The following XIRP2 variants were observed in gnomAD, a reference collection of about 807,000 sequenced individuals.
XIRP2 encodes the protein xin actin-binding repeat-containing protein 2.
Under a neutral mutation model 277.0 loss-of-function variants are expected in XIRP2, and 236 were observed. The observed-to-expected ratio is 0.85, with a 90% CI of 0.77 to 0.95. XIRP2 has a LOEUF of 0.95. Among genes scored for constraint, XIRP2 ranks in the 40% least tolerant of loss-of-function variants. The pLI is 0.00. For missense variants in XIRP2, 4,640 were observed against 4,157.5 expected (o/e 1.12, Z -3.19); for synonymous variants, 1,490 against 1,416.5 (o/e 1.05, Z -1.17).
chr2:167,218,479 T>G (rs1483707684), intron 5 of XIRP2, among the ~76,000 whole-genome samples, 179 bp downstream of exon 5: 1 of 152,250 alleles, frequency 6.6e-6, no homozygotes, highest in Non-Finnish European at 1.5e-5. Flanking sequence ...ATTTATTTAC[T>G]TACTTGAAGC....
At chr2:166,934,055 C>T (rs1004976385) in intron 2 of XIRP2, among the ~76,000 whole-genome samples, 1 of 151,910 alleles carries the variant, frequency 6.6e-6, no homozygotes, top group South Asian at 2.1e-4. Context: ...TCCAATATTT[C>T]CTACCTTCTA....
intron 2 of XIRP2, among the ~76,000 whole-genome samples, chr2:167,043,267 A>G (rs1688708280): frequency 6.6e-6 from 1 of 152,168 alleles, no homozygotes; most frequent in South Asian, 2.1e-4. Context: ...AGTCACACAT[A>G]GAAGAACTAG....
intron 2 of XIRP2, among the ~76,000 whole-genome samples, chr2:167,116,005 A>G (rs1690887506): frequency 6.6e-6 from 1 of 152,116 alleles, no homozygotes; most frequent in African/African-American, 2.4e-5. Flanking sequence ...ACACACTATG[A>G]TTGATTTTAA....
At chr2:166,952,133 AC>A (rs1558928206) in intron 2 of XIRP2, among the ~76,000 whole-genome samples, 1 of 151,952 alleles carries the variant, frequency 6.6e-6, no homozygotes, top group Non-Finnish European at 1.5e-5. Context: ...CTGTGTAACA[AC>A]CCACCCCAAA....
chr2:167,086,856 C>A (rs1178878298), intron 2 of XIRP2, among the ~76,000 whole-genome samples: 1 of 151,576 alleles, frequency 6.6e-6, no homozygotes, highest in African/African-American at 2.4e-5. Context: ...AAATTTTTTT[C>A]AAAGTTTTCA....
At chr2:166,928,801 C>T (rs1007843895) in intron 2 of XIRP2, among the ~76,000 whole-genome samples, 6 of 152,052 alleles carry the variant, frequency 3.9e-5, no homozygotes, top group African/African-American at 1.4e-4. Flanking sequence ...TGGGGAAAGA[C>T]TGTCAAAACT....
intron 3 of XIRP2, among the ~76,000 whole-genome samples, chr2:167,153,663 G>GT (rs1330590737): frequency 6.6e-6 from 1 of 151,698 alleles, no homozygotes; most frequent in African/African-American, 2.4e-5. Context: ...ACGGTGTTTG[G>GT]TTTTTTGTTC....
chr2:167,019,972 A>T (rs1016507541), intron 2 of XIRP2, among the ~76,000 whole-genome samples: 2 of 152,016 alleles, frequency 1.3e-5, no homozygotes, highest in African/African-American at 4.8e-5. Context: ...ATTTCCAGCA[A>T]GGTTATAGTA....
chr2:167,242,016 A>T (rs918551588), intron 8 of XIRP2, 106 bp downstream of exon 8: 3 of 1,381,096 alleles, frequency 2.2e-6, no homozygotes, highest in Non-Finnish European at 2.9e-6. Flanking sequence ...AACAAAAAAA[A>T]ATTCTGAACT....
intron 3 of XIRP2, among the ~76,000 whole-genome samples, chr2:167,177,333 T>C (rs950558793): frequency 6.6e-6 from 1 of 152,208 alleles, no homozygotes; most frequent in African/African-American, 2.4e-5. Context: ...ACTGTAATTC[T>C]ATATTTATAT....
chr2:167,135,690 T>A (rs1325562324), intron 2 of XIRP2, among the ~76,000 whole-genome samples: 2 of 152,142 alleles, frequency 1.3e-5, no homozygotes, highest in Non-Finnish European at 2.9e-5. Context: ...GGAAGGCTAA[T>A]TCAGAAGTGG....
chr2:167,201,832 A>G (rs970346629), intron 3 of XIRP2, among the ~76,000 whole-genome samples: 1 of 152,200 alleles, frequency 6.6e-6, no homozygotes, highest in Non-Finnish European at 1.5e-5. Flanking sequence ...ACCTTGAAAT[A>G]AAAATGTTAT....
chr2:166,973,070 T>C (rs1435736827), intron 2 of XIRP2, among the ~76,000 whole-genome samples: 3 of 152,190 alleles, frequency 2.0e-5, no homozygotes, highest in Admixed American at 2.0e-4. Context: ...AAATCTGGCT[T>C]GAATCGTTGC....
chr2:167,240,618 T>C, intron 6 of XIRP2, 46 bp from the exon 7 acceptor site: 2 of 1,539,550 alleles, frequency 1.3e-6, no homozygotes, highest in Non-Finnish European at 1.8e-6. Context: ...ACTAAAATAA[T>C]TGACTTCTTA....
At chr2:167,158,800 C>G (rs1692278466) in intron 3 of XIRP2, among the ~76,000 whole-genome samples, 1 of 152,030 alleles carries the variant, frequency 6.6e-6, no homozygotes, top group South Asian at 2.1e-4. Flanking sequence ...CAGTAAGATT[C>G]CAATCTGTAG....
At chr2:167,154,483 C>T (rs989957415) in intron 3 of XIRP2, among the ~76,000 whole-genome samples, 7 of 150,754 alleles carry the variant, frequency 4.6e-5, no homozygotes, top group African/African-American at 1.7e-4. Context: ...AGTCCTTGCC[C>T]ATGCCTATGT....
intron 2 of XIRP2, among the ~76,000 whole-genome samples, chr2:167,135,565 C>T (rs747281618): frequency 6.6e-6 from 1 of 152,068 alleles, no homozygotes; most frequent in Non-Finnish European, 1.5e-5. Flanking sequence ...GAAAGTCCCT[C>T]ATCAACATTT....
chr2:166,892,178 T>G (rs922305318), intron 1 of XIRP2, among the ~76,000 whole-genome samples: 7 of 152,214 alleles, frequency 4.6e-5, no homozygotes, highest in African/African-American at 1.7e-4. Flanking sequence ...TATTCCATTC[T>G]GATGTTTTTT....
chr2:167,184,269 A>G (rs536882936), intron 3 of XIRP2, among the ~76,000 whole-genome samples: 15 of 152,188 alleles, frequency 9.9e-5, no homozygotes, highest in South Asian at 2.1e-4. Context: ...ATTATTTTAG[A>G]GTCAGTATCC....
Sources: gnomAD v4.1 joint callset for allele counts (sites outside exome capture counted in the v4.1 genomes callset) on GRCh38, gnomAD v4.1.1 for gene constraint, MANE v1.5 for transcripts, NCBI Gene and HGNC (gene_info 2026-07-23, HGNC 2026-07-21) for gene names.